The following DLGAP2 variants were observed in gnomAD, a reference collection of about 807,000 sequenced individuals.
DLGAP2 encodes the protein disks large-associated protein 2.
A neutral mutation model predicts 100.3 loss-of-function variants in DLGAP2; 26 were observed. That is an observed-to-expected ratio of 0.26 (90% CI 0.19 to 0.36). DLGAP2 has a LOEUF of 0.36. DLGAP2 is among the 10% of genes least tolerant of loss of function. The probability of loss-of-function intolerance (pLI) is 1.00; values close to 1 mark genes in which losing one functional copy is unlikely to be tolerated. For missense variants in DLGAP2, 1,858 were observed against 1,453.2 expected, an observed-to-expected ratio of 1.28 and a Z score of -4.53; for synonymous variants, 886 against 630.1, an observed-to-expected ratio of 1.41 and a Z score of -6.08.
At chr8:1,152,897 C>T (rs1027227572) in intron 2 of DLGAP2, among the ~76,000 whole-genome samples, 1 of 152,212 alleles carries the variant, frequency 6.6e-6, no homozygotes, top group Non-Finnish European at 1.5e-5. Context: ...GAAACTAGAA[C>T]TTAAGCAAAT....
At chr8:781,415 G>C (rs1419715208) in intron 1 of DLGAP2, among the ~76,000 whole-genome samples, 1 of 151,562 alleles carries the variant, frequency 6.6e-6, no homozygotes, top group Admixed American at 6.6e-5. Context: ...TAAGACCTCA[G>C]GGATTTTTTT....
rs1442334856 is a variant in DLGAP2, at chr8:1,705,145, T to G, written c.*3739T>G. 1 of 152,242 alleles carries G rather than the reference T, an allele frequency of 6.6e-6. No individual in the cohort carries two copies. The highest frequency in any genetic ancestry group is 2.4e-5 in the African/African-American group (1 of 41,452). 9.4% of individuals were successfully genotyped at this position (152,242 alleles called of 1,614,324 possible). On this transcript the variant is annotated 3_prime_UTR_variant, in exon 15 of 15. Coordinates refer to ENST00000637795, the MANE Select transcript of DLGAP2 (RefSeq NM_001346810.2). ...GTGGTAACTGTGGAATGAGCTCTGT[T>G]AGGGACAGTTGTCTGGTTTGTGCCA...
At chr8:1,514,998 G>A (rs1378815710) in intron 4 of DLGAP2, among the ~76,000 whole-genome samples, 1 of 151,418 alleles carries the variant, frequency 6.6e-6, no homozygotes, top group Non-Finnish European at 1.5e-5. Context: ...GACTGACGTG[G>A]AGGGAGACCG....
chr8:1,287,598 GTA>G (rs1273475707), intron 3 of DLGAP2, among the ~76,000 whole-genome samples: 6 of 58,324 alleles, frequency 1.0e-4, no homozygotes, highest in Admixed American at 2.0e-4. Context: ...GCGTGTGTGT[GTA>G]TGTGGTTCTG....
intron 3 of DLGAP2, among the ~76,000 whole-genome samples, chr8:1,383,896 G>A (rs925015816): frequency 6.6e-6 from 1 of 151,994 alleles, no homozygotes; most frequent in Non-Finnish European, 1.5e-5. Context: ...TTTGGCGGTG[G>A]ACTCTGACAG....
chr8:1,270,048 A>G (rs1799548292), intron 3 of DLGAP2, among the ~76,000 whole-genome samples: 3 of 152,166 alleles, frequency 2.0e-5, no homozygotes. Context: ...AACATACAGT[A>G]GCGGGTGGTC....
At chr8:855,580 C>G (rs1797262139) in intron 1 of DLGAP2, among the ~76,000 whole-genome samples, 1 of 152,160 alleles carries the variant, frequency 6.6e-6, no homozygotes, top group Non-Finnish European at 1.5e-5. Flanking sequence ...GTCTGTAAAA[C>G]TGGTGCTGTA....
At chr8:1,223,022 G>A (rs150854367) in intron 2 of DLGAP2, among the ~76,000 whole-genome samples, 2 of 152,250 alleles carry the variant, frequency 1.3e-5, no homozygotes, top group East Asian at 3.9e-4. Flanking sequence ...AAATCTTCTG[G>A]AGTTCTGTCT....
At chr8:1,557,037 G>A (rs1360517083) in intron 5 of DLGAP2, among the ~76,000 whole-genome samples, 2 of 152,124 alleles carry the variant, frequency 1.3e-5, no homozygotes, top group Non-Finnish European at 2.9e-5. Flanking sequence ...CTCAGCACGG[G>A]GGTGGGGGCT....
intron 2 of DLGAP2, among the ~76,000 whole-genome samples, chr8:916,677 A>G (rs769227786): frequency 2.0e-5 from 3 of 152,190 alleles, no homozygotes; most frequent in Non-Finnish European, 4.4e-5. Flanking sequence ...AAAGAAAATA[A>G]ATTTAAAAAA....
chr8:897,353 C>G lies in DLGAP2; in HGVS notation c.19-10559C>G, dbSNP rs187686274. On this transcript the variant is annotated intron_variant, in intron 1 of 14. Transcript: ENST00000637795. ...AAGAAGGTGAACACCACGATTGTGCCGATGTATCTGCATTGTAACTGGAAA... is the reference window on the plus strand; with the variant it reads ...AAGAAGGTGAACACCACGATTGTGCGGATGTATCTGCATTGTAACTGGAAA... Among the ~76,000 whole-genome samples, 4 of 152,212 alleles carry G rather than the reference C, an allele frequency of 2.6e-5. No individual in the cohort carries two copies. In the East Asian group the frequency reaches 7.7e-4, roughly 29 times the overall value.
chr8:889,421 A>C (rs1797989537), intron 1 of DLGAP2, among the ~76,000 whole-genome samples: 1 of 152,106 alleles, frequency 6.6e-6, no homozygotes, highest in Admixed American at 6.5e-5. Flanking sequence ...TGGTCCAGAG[A>C]CTGTGGCCAC....
At chr8:808,881 T>A (rs960699309) in intron 1 of DLGAP2, among the ~76,000 whole-genome samples, 1 of 151,778 alleles carries the variant, frequency 6.6e-6, no homozygotes, top group Non-Finnish European at 1.5e-5. Context: ...ACCTTTCACA[T>A]TGGATGATAA....
intron 3 of DLGAP2, among the ~76,000 whole-genome samples, chr8:1,303,020 T>C (rs1205978304): frequency 6.6e-6 from 1 of 152,170 alleles, no homozygotes; most frequent in Non-Finnish European, 1.5e-5. Flanking sequence ...TGGGCCTTCG[T>C]AAGGACACAG....
At chr8:1,062,164 T>C (rs1803103546) in intron 2 of DLGAP2, among the ~76,000 whole-genome samples, 1 of 152,106 alleles carries the variant, frequency 6.6e-6, no homozygotes, top group Admixed American at 6.5e-5. Context: ...GGAAGGAGCT[T>C]GCCTCTCCTG....
intron 1 of DLGAP2, among the ~76,000 whole-genome samples, chr8:902,357 G>A (rs929449694): frequency 6.6e-6 from 1 of 151,154 alleles, no homozygotes; most frequent in African/African-American, 2.4e-5. Flanking sequence ...GCGGGCGCGG[G>A]GGCTGGGGGG....
chr8:1,604,555 C>T (rs1476889170), intron 6 of DLGAP2: 5 of 152,246 alleles, frequency 3.3e-5, no homozygotes, highest in Admixed American at 2.0e-4. Context: ...CTCAGGAGAT[C>T]GTGATACAGG....
intron 2 of DLGAP2, among the ~76,000 whole-genome samples, chr8:1,240,096 T>TCTCA (rs1798752888): frequency 6.6e-6 from 1 of 151,416 alleles, no homozygotes; most frequent in East Asian, 2.0e-4. Context: ...TCTAGTTCTC[T>TCTCA]CACATGGCGC....
chr8:1,028,291 G>A (rs538187791), intron 2 of DLGAP2, among the ~76,000 whole-genome samples: 1 of 134,850 alleles, frequency 7.4e-6, no homozygotes, highest in South Asian at 2.6e-4. Context: ...TCAGGCGCCC[G>A]TTATTCTCCA....
Sources: allele counts gnomAD v4.1 joint callset (sites outside exome capture counted in the v4.1 genomes callset), GRCh38; gene constraint gnomAD v4.1.1; transcripts MANE v1.5; gene names NCBI Gene and HGNC (gene_info 2026-07-23, HGNC 2026-07-21).